PAPSS1: variants seen among roughly 807,000 people sequenced by gnomAD.
PAPSS1 encodes the protein 3'-phosphoadenosine 5'-phosphosulfate synthase 1, also known as bifunctional 3'-phosphoadenosine 5'-phosphosulfate synthase 1.
PAPSS1 carries 50 observed loss-of-function variants against 72.0 expected under a neutral mutation model. The ratio of observed to expected loss-of-function variants is 0.69; its 90% CI spans 0.55 to 0.88. The LOEUF (loss-of-function observed/expected upper bound fraction) is 0.88. Ranked by LOEUF, PAPSS1 falls within the 40% of genes least tolerant of loss-of-function variation. The pLI is 0.00. For synonymous variants in PAPSS1, 261 were observed against 263.6 expected, an observed-to-expected ratio of 0.99 and a Z score of 0.09; for missense variants, 657 against 782.2, an observed-to-expected ratio of 0.84 and a Z score of 1.91.
intron 5 of PAPSS1, among the ~76,000 whole-genome samples, chr4:107,663,319 T>C (rs1394790959): frequency 6.6e-6 from 1 of 152,042 alleles, no homozygotes; most frequent in Non-Finnish European, 1.5e-5. Context: ...AAGATCTGAG[T>C]TCCAATTCTA....
intron 11 of PAPSS1, among the ~76,000 whole-genome samples, chr4:107,618,953 A>G (rs1379858770): frequency 6.6e-6 from 1 of 152,166 alleles, no homozygotes; most frequent in Admixed American, 6.5e-5. Context: ...TACTGACTGA[A>G]TGTGTTTCAG....
chr4:107,627,260 A>T (rs1726123117), intron 11 of PAPSS1, among the ~76,000 whole-genome samples: 1 of 152,204 alleles, frequency 6.6e-6, no homozygotes, highest in Non-Finnish European at 1.5e-5. Context: ...TCAAAATGGA[A>T]ATTCACCTAA....
Position 107,720,205 on chromosome 4 carries a change from G to C in PAPSS1, c.-26C>G, listed in dbSNP as rs893496633. The stretch of plus-strand genomic sequence containing the variant: ...GACCGCGGAGCGCGCTGAGCAGCCG[G>C]GGTTCTCTGCGCCGGGAGGGTAGCA... On this transcript the variant is annotated 5_prime_UTR_variant, in exon 1 of 12. Coordinates refer to ENST00000265174, the MANE Select transcript of PAPSS1 (RefSeq NM_005443.5). 2.5e-6 allele frequency: 4 copies of C among 1,594,664 alleles called. No individual in the cohort carries two copies. The highest frequency in any genetic ancestry group is 1.4e-5 in the African/African-American group (1 of 73,036).
In PAPSS1 at chr4:107,613,745, T is replaced by C. The variant is rs1228180451; in HGVS notation, c.*504A>G. On this transcript the variant is annotated 3_prime_UTR_variant, in exon 12 of 12. Coordinates refer to ENST00000265174, the MANE Select transcript of PAPSS1 (RefSeq NM_005443.5). ...CAGATCATAAGAATACTTTAGATTA[T>C]AACAGCTGGAAAGACCAATAGCTGA... The C allele has an allele frequency of 6.6e-6, 1 of 152,138 alleles. No homozygotes were observed. 9.4% of individuals were successfully genotyped at this position (152,138 alleles called of 1,614,324 possible). A position where few individuals can be genotyped will look rare whatever the true frequency, so the allele number is the denominator to read the frequency against.
At chr4:107,672,458 C>T (rs895385388) in intron 5 of PAPSS1, among the ~76,000 whole-genome samples, 16 of 152,174 alleles carry the variant, frequency 1.1e-4, no homozygotes, top group African/African-American at 3.9e-4. Flanking sequence ...GCCCACGGAG[C>T]CTCGCTCATT....
intron 4 of PAPSS1, among the ~76,000 whole-genome samples, chr4:107,685,797 C>A (rs1722768336): frequency 6.6e-6 from 1 of 152,184 alleles, no homozygotes. Flanking sequence ...TACCATTTTC[C>A]TTCCCACTGT....
chr4:107,676,991 G>A (rs538853842), intron 5 of PAPSS1, among the ~76,000 whole-genome samples: 53 of 152,264 alleles, frequency 3.5e-4, no homozygotes, highest in African/African-American at 1.2e-3. Flanking sequence ...TATTTAGAAA[G>A]CTGAAACTGG....
At position 107,613,745 on chromosome 4, in the gene PAPSS1, T is replaced by A. The variant is rs1228180451; in HGVS notation, c.*504A>T. 6.6e-6 allele frequency: 1 copy of A among 152,138 alleles called. No homozygotes were observed. The highest frequency in any genetic ancestry group is 1.5e-5 in the Non-Finnish European group (1 of 68,044). 9.4% of individuals were successfully genotyped at this position (152,138 alleles called of 1,614,324 possible). A position where few individuals can be genotyped will look rare whatever the true frequency, so the allele number is the denominator to read the frequency against. On this transcript the variant is annotated 3_prime_UTR_variant, in exon 12 of 12. Transcript: ENST00000265174. ...CAGATCATAAGAATACTTTAGATTA[T>A]AACAGCTGGAAAGACCAATAGCTGA...
At chr4:107,696,785 C>A (rs560062233) in intron 2 of PAPSS1, among the ~76,000 whole-genome samples, 30 of 152,102 alleles carry the variant, frequency 2.0e-4, no homozygotes, top group African/African-American at 7.0e-4. Flanking sequence ...AGCATCGATA[C>A]AGTGTCAGTT....
At chr4:107,719,789 G>T (rs897253332) in intron 1 of PAPSS1, 3 of 1,178,130 alleles carry the variant, frequency 2.5e-6, no homozygotes, top group African/African-American at 1.6e-5. Flanking sequence ...TTCAGCACCC[G>T]GAGGTTTCAG....
At chr4:107,675,176 C>T (rs1242108930) in intron 5 of PAPSS1, among the ~76,000 whole-genome samples, 1 of 152,058 alleles carries the variant, frequency 6.6e-6, no homozygotes, top group Admixed American at 6.5e-5. Flanking sequence ...CAAGAAATAA[C>T]TAAGATCAGA....
chr4:107,668,905 T>G lies in PAPSS1; in HGVS notation c.670-8833A>C, dbSNP rs147547564. 3.4e-4 allele frequency among the ~76,000 whole-genome samples: 52 copies of G among 152,302 alleles called. 2 individuals carry two copies. The East Asian group carries it at 0.01, about 29-fold the overall frequency. On this transcript the variant is annotated intron_variant, in intron 5 of 11. Coordinates refer to ENST00000265174, the MANE Select transcript of PAPSS1 (RefSeq NM_005443.5). ...TCAGCACACACATTTATATATTCTTTTACATAATGCTGGTTAATGTAGGAC... is the reference window on the plus strand; with the variant it reads ...TCAGCACACACATTTATATATTCTTGTACATAATGCTGGTTAATGTAGGAC...
At chr4:107,696,557 T>C (rs935474596) in intron 2 of PAPSS1, among the ~76,000 whole-genome samples, 1 of 151,800 alleles carries the variant, frequency 6.6e-6, no homozygotes, top group African/African-American at 2.4e-5. Context: ...CACTAGGGCC[T>C]ATCGGTGGGG....
intron 8 of PAPSS1, 65 bp downstream of exon 8, chr4:107,654,630 G>T: frequency 7.9e-7 from 1 of 1,268,004 alleles, no homozygotes; most frequent in Non-Finnish European, 1.1e-6. Flanking sequence ...CACAGAAAAT[G>T]CCCACATTTC....
rs182859741 is a variant in PAPSS1 at position 107,675,224 on chromosome 4, A to G, written c.669+6791T>C. On this transcript the variant is annotated intron_variant, in intron 5 of 11. Transcript: ENST00000265174. ...GAAACAGAGACACAAAAAACTCTTCAAAAAAATCAATGAATCCAGCAGCTG... is the reference window on the plus strand; with the variant it reads ...GAAACAGAGACACAAAAAACTCTTCGAAAAAATCAATGAATCCAGCAGCTG... Among the ~76,000 whole-genome samples, 50 of 152,300 alleles carry G rather than the reference A, an allele frequency of 3.3e-4. 1 individual carries two copies. The East Asian group carries it at 9.3e-3, about 28-fold the overall frequency.
At chr4:107,666,794 C>T (rs1727329617) in intron 5 of PAPSS1, among the ~76,000 whole-genome samples, 1 of 152,214 alleles carries the variant, frequency 6.6e-6, no homozygotes, top group African/African-American at 2.4e-5. Context: ...CAGTGCTTTT[C>T]AAACACCTTC....
At chr4:107,641,630 C>A (rs754502263) in intron 10 of PAPSS1, among the ~76,000 whole-genome samples, 15 of 152,194 alleles carry the variant, frequency 9.9e-5, no homozygotes, top group Non-Finnish European at 1.9e-4. Context: ...TGCAAAGCAG[C>A]TATTCATTGA....
At chr4:107,671,770 G>C (rs949500861) in intron 5 of PAPSS1, among the ~76,000 whole-genome samples, 2 of 152,042 alleles carry the variant, frequency 1.3e-5, no homozygotes, top group Admixed American at 6.6e-5. Flanking sequence ...ATCATCTCTG[G>C]ATTACATATA....
chr4:107,673,289 T>G (rs1727545589), intron 5 of PAPSS1, among the ~76,000 whole-genome samples: 2 of 151,908 alleles, frequency 1.3e-5, no homozygotes, highest in African/African-American at 4.8e-5. Flanking sequence ...TTCAAACCCA[T>G]GGCAAAGAAG....
Sources: allele counts gnomAD v4.1 joint callset (sites outside exome capture counted in the v4.1 genomes callset), GRCh38; gene constraint gnomAD v4.1.1; transcripts MANE v1.5; gene names NCBI Gene and HGNC (gene_info 2026-07-23, HGNC 2026-07-21).